Variants in LRRC4C observed in about 807,000 individuals in gnomAD.
The protein encoded by LRRC4C is leucine-rich repeat-containing protein 4C.
LRRC4C carries 5 observed loss-of-function variants against 33.6 expected under a neutral mutation model. The ratio of observed to expected loss-of-function variants is 0.15; its 90% CI spans 0.08 to 0.31. The LOEUF (loss-of-function observed/expected upper bound fraction) is 0.31. Among genes scored for constraint, LRRC4C ranks in the 10% least tolerant of loss-of-function variants. The pLI is 1.00. For synonymous variants in LRRC4C, 329 were observed against 302.0 expected (o/e 1.09, Z -0.93); for missense variants, 560 against 796.7 (o/e 0.70, Z 3.58).
At chr11:40,262,903 C>G (rs1159567696) in intron 4 of LRRC4C, among the ~76,000 whole-genome samples, 3 of 151,064 alleles carry the variant, frequency 2.0e-5, no homozygotes, top group Non-Finnish European at 4.4e-5. Context: ...ATGGGTGCAG[C>G]AAACCACCAT....
intron 1 of LRRC4C, among the ~76,000 whole-genome samples, chr11:41,107,984 AGAGGGG>A (rs1941611710): frequency 1.3e-5 from 2 of 150,974 alleles, no homozygotes; most frequent in African/African-American, 4.9e-5. Flanking sequence ...GGGAGAGGGG[AGAGGGG>A]AGAGGGGAGA....
intron 2 of LRRC4C, among the ~76,000 whole-genome samples, chr11:40,651,987 CT>C (rs1942832899): frequency 6.6e-6 from 1 of 152,114 alleles, no homozygotes; most frequent in Non-Finnish European, 1.5e-5. Flanking sequence ...GTGATTTTAA[CT>C]TTTTTGAATT....
chr11:41,051,490 T>G (rs1858200536), intron 1 of LRRC4C, among the ~76,000 whole-genome samples: 1 of 101,698 alleles, frequency 9.8e-6, no homozygotes, highest in South Asian at 3.3e-4. Context: ...AAGACACATC[T>G]GGAACTCAGT....
intron 3 of LRRC4C, among the ~76,000 whole-genome samples, chr11:40,520,369 C>T (rs1590986667): frequency 6.6e-6 from 1 of 152,144 alleles, no homozygotes; most frequent in African/African-American, 2.4e-5. Flanking sequence ...TTAATCATTT[C>T]CAGCTTTGGA....
In LRRC4C at chr11:40,706,559, A is replaced by T. The variant is rs985971893; in HGVS notation, c.-406-58281T>A. The stretch of plus-strand genomic sequence containing the variant: ...ATTTCTGAGGCCTCTGTTCTGTTCC[A>T]TTGCTCTATATCTCTGTTTTCGTAC... On this transcript the variant is annotated intron_variant, in intron 2 of 6. Coordinates refer to ENST00000528697, the MANE Select transcript of LRRC4C (RefSeq NM_001258419.2). 7.9e-5 allele frequency among the ~76,000 whole-genome samples: 12 copies of T among 152,072 alleles called. No individual in the cohort carries two copies. The East Asian group carries it at 1.4e-3, about 17-fold the overall frequency.
chr11:41,438,017 G>A (rs1015120804), intron 1 of LRRC4C, among the ~76,000 whole-genome samples: 15 of 140,832 alleles, frequency 1.1e-4, no homozygotes, highest in African/African-American at 3.9e-4. Context: ...CAGCCTGGGC[G>A]ACAAGAACAA....
chr11:41,362,555 A>T (rs2922046), intron 1 of LRRC4C, among the ~76,000 whole-genome samples: 2,949 of 152,190 alleles, frequency 0.019, 92 homozygotes, highest in African/African-American at 0.068. Context: ...GGGTCCAGGG[A>T]GTTCCTACTT....
rs1258460230 is a variant in LRRC4C at position 40,315,622 on chromosome 11, A to G, written c.-176+4006T>C. The stretch of plus-strand genomic sequence containing the variant: ...ATCAATAAACTATATAACACAGTCT[A>G]TTTTTAGTTTTTTAAGTTGTTTCCA... On this transcript the variant is annotated intron_variant, in intron 4 of 6. Coordinates refer to ENST00000528697, the MANE Select transcript of LRRC4C (RefSeq NM_001258419.2). Among the ~76,000 whole-genome samples, 4 of 151,996 alleles carry G rather than the reference A, an allele frequency of 2.6e-5. No homozygotes were observed. In the East Asian group the frequency reaches 5.8e-4, roughly 22 times the overall value.
chr11:41,051,831 A>G (rs1858252815), intron 1 of LRRC4C, among the ~76,000 whole-genome samples: 1 of 152,174 alleles, frequency 6.6e-6, no homozygotes, highest in South Asian at 2.1e-4. Context: ...TCTTAGGCCA[A>G]TAGCACAGCA....
chr11:41,393,732 G>A (rs1953694846), intron 1 of LRRC4C, among the ~76,000 whole-genome samples: 1 of 151,886 alleles, frequency 6.6e-6, no homozygotes, highest in Non-Finnish European at 1.5e-5. Context: ...GTGCAAATGA[G>A]TCTGTCACAT....
intron 2 of LRRC4C, among the ~76,000 whole-genome samples, chr11:40,795,446 C>T (rs1453749248): frequency 6.6e-6 from 1 of 152,076 alleles, no homozygotes; most frequent in East Asian, 1.9e-4. Context: ...AGGAGAATGG[C>T]GTGAACCCAG....
intron 4 of LRRC4C, among the ~76,000 whole-genome samples, chr11:40,253,002 C>T (rs150270458): frequency 2.6e-5 from 4 of 152,226 alleles, no homozygotes; most frequent in East Asian, 1.9e-4. Context: ...ATCTTAGAGA[C>T]GTCTGAGACA....
intron 1 of LRRC4C, among the ~76,000 whole-genome samples, chr11:41,208,079 A>C (rs1481151906): frequency 6.6e-6 from 1 of 152,190 alleles, no homozygotes; most frequent in Non-Finnish European, 1.5e-5. Context: ...GACATGTATC[A>C]CTAGGAACAG....
chr11:41,445,343 A>G (rs985061637), intron 1 of LRRC4C, among the ~76,000 whole-genome samples: 1 of 152,170 alleles, frequency 6.6e-6, no homozygotes. Flanking sequence ...GAATGAAGGG[A>G]TCATAAAAGC....
intron 2 of LRRC4C, among the ~76,000 whole-genome samples, chr11:40,735,753 G>A (rs1218819249): frequency 6.7e-6 from 1 of 149,444 alleles, no homozygotes; most frequent in Non-Finnish European, 1.5e-5. Flanking sequence ...CACAATGGTT[G>A]AACTAGTTTA....
chr11:41,004,525 T>C (rs1854598548), intron 1 of LRRC4C, among the ~76,000 whole-genome samples: 1 of 152,220 alleles, frequency 6.6e-6, no homozygotes, highest in African/African-American at 2.4e-5. Context: ...CACATTAGAT[T>C]GATTGCCTTA....
intron 1 of LRRC4C, among the ~76,000 whole-genome samples, chr11:41,346,931 T>C: frequency 6.6e-6 from 1 of 152,230 alleles, no homozygotes; most frequent in East Asian, 1.9e-4. Flanking sequence ...GAATTTATAG[T>C]AAATGCCAGG....
intron 3 of LRRC4C, among the ~76,000 whole-genome samples, chr11:40,353,447 G>T (rs896601403): frequency 6.6e-6 from 1 of 152,124 alleles, no homozygotes; most frequent in African/African-American, 2.4e-5. Flanking sequence ...GCCAGGTGCA[G>T]TGGCTCATGC....
In LRRC4C at chr11:40,898,353, C is replaced by CAAAAAAAAAAAAAAAAAAAAAAAAAAA. The variant is rs765252333; in HGVS notation, c.-407+35281_-407+35282insTTTTTTTTTTTTTTTTTTTTTTTTTTT. Among the ~76,000 whole-genome samples the CAAAAAAAAAAAAAAAAAAAAAAAAAAA allele has an allele frequency of 4.2e-4, 16 of 38,354 alleles. 1 individual carries two copies. The highest frequency in any genetic ancestry group is 1.4e-3 in the African/African-American group (13 of 9,592). The allele number at this position is 38,354 out of a possible 152,430, so 25.2% of individuals were successfully genotyped here. A position where few individuals can be genotyped will look rare whatever the true frequency, so the allele number is the denominator to read the frequency against. On this transcript the variant is annotated intron_variant, in intron 2 of 6. Transcript: ENST00000528697. ...GGGCAACAAGAGTGAAACTCCATCT[C>CAAAAAAAAAAAAAAAAAAAAAAAAAAA]AAAAAAAAAAAAAAAAAAAGAAAAA... is the stretch of plus-strand genomic sequence containing the variant.
Sources: allele counts gnomAD v4.1 joint callset (sites outside exome capture counted in the v4.1 genomes callset), GRCh38; gene constraint gnomAD v4.1.1; transcripts MANE v1.5; gene names NCBI Gene and HGNC (gene_info 2026-07-23, HGNC 2026-07-21).